The following PRLR variants were observed in gnomAD, a reference collection of about 807,000 sequenced individuals.
The protein encoded by PRLR is hPRL receptor.
PRLR carries 13 observed loss-of-function variants against 40.2 expected under a neutral mutation model. That is an observed-to-expected ratio of 0.32 (90% confidence interval 0.21 to 0.51). PRLR has a LOEUF of 0.51. Among genes scored for constraint, PRLR ranks in the 20% least tolerant of loss-of-function variants. The pLI is 0.97. For missense variants in PRLR, 656 were observed against 747.3 expected (o/e 0.88, Z 1.42); for synonymous variants, 269 against 278.7 (o/e 0.97, Z 0.35).
intron 1 of PRLR, among the ~76,000 whole-genome samples, chr5:35,192,917 T>C (rs1385067813): frequency 6.6e-6 from 1 of 152,172 alleles, no homozygotes; most frequent in Non-Finnish European, 1.5e-5. Context: ...AGGCCAGCTG[T>C]CCCCAAGACT....
chr5:35,092,350 C>T (rs1290783046), intron 2 of PRLR, among the ~76,000 whole-genome samples: 4 of 152,140 alleles, frequency 2.6e-5, no homozygotes, highest in Non-Finnish European at 4.4e-5. Context: ...GCATTTTCTT[C>T]CCAGGAAGGC....
chr5:35,215,294 G>A (rs533939943), intron 1 of PRLR, among the ~76,000 whole-genome samples: 69 of 152,300 alleles, frequency 4.5e-4, no homozygotes, highest in African/African-American at 1.5e-3. Context: ...ATAGAACTGA[G>A]TGGTCAAGGA....
chr5:35,184,007 G>T (rs1441502204), intron 1 of PRLR, among the ~76,000 whole-genome samples: 1 of 152,180 alleles, frequency 6.6e-6, no homozygotes, highest in Non-Finnish European at 1.5e-5. Context: ...GATGTCAAAT[G>T]ACCATCTCTA....
In PRLR at chr5:35,086,339, T is replaced by A. The variant is rs748865835; in HGVS notation, c.72A>T (p.Gly24=). 6.2e-7 allele frequency: 1 copy of A among 1,613,140 alleles called. No homozygotes were observed. The highest frequency in any genetic ancestry group is 8.5e-7 in the Non-Finnish European group (1 of 1,179,676). The change falls in exon 4 of 10, where the codon GGA becomes GGT. Residue 24 remains glycine (G), a splice_region_variant and synonymous_variant. Transcript: ENST00000618457. The stretch of plus-strand genomic sequence containing the variant: ...TCTCAGGTTTTCCAGGAGGTAACTG[T>A]CCTAGAAAAAGCCAGAAGCCACTGC... ...LLFLNTCLLN[G]QLPPGKPEIF... is the part of the protein sequence containing the mutation.
intron 1 of PRLR, among the ~76,000 whole-genome samples, chr5:35,212,404 A>T (rs1776192454): frequency 6.6e-6 from 1 of 152,244 alleles, no homozygotes; most frequent in Non-Finnish European, 1.5e-5. Context: ...TGAAACTCTG[A>T]GTACAAAATG....
chr5:35,082,405 C>T (rs1770579460), intron 5 of PRLR, among the ~76,000 whole-genome samples: 1 of 152,122 alleles, frequency 6.6e-6, no homozygotes, highest in South Asian at 2.1e-4. Context: ...CTTTCCCAAC[C>T]TCAGCACTAC....
chr5:35,133,037 T>C (rs1055330002), intron 1 of PRLR, among the ~76,000 whole-genome samples: 2 of 152,158 alleles, frequency 1.3e-5, no homozygotes, highest in Non-Finnish European at 2.9e-5. Flanking sequence ...GTGAAAATTT[T>C]CCTTCCTTGA....
Position 35,060,816 on chromosome 5 carries a change from G to A in PRLR, c.*4273C>T, listed in dbSNP as rs559605237. 2.6e-5 allele frequency: 4 copies of A among 152,322 alleles called. No homozygotes were observed. Among genetic ancestry groups the A allele is most frequent in the African/African-American group, 9.6e-5 (4 of 41,574 alleles). The allele number at this position is 152,322 out of a possible 1,614,324, so 9.4% of individuals were successfully genotyped here. On this transcript the variant is annotated 3_prime_UTR_variant, in exon 10 of 10. Coordinates refer to ENST00000618457, the MANE Select transcript of PRLR (RefSeq NM_000949.7). ...TTATATTTTTCTGTTTGTGTACAAA[G>A]TTCCAATGTGCATGCATTGTTCTCT...
At chr5:35,154,199 A>G (rs766289810) in intron 1 of PRLR, among the ~76,000 whole-genome samples, 1 of 152,086 alleles carries the variant, frequency 6.6e-6, no homozygotes, top group Non-Finnish European at 1.5e-5. Context: ...AAGCTCAAAG[A>G]CCTCTGAGAA....
At chr5:35,209,939 G>C (rs550464456) in intron 1 of PRLR, among the ~76,000 whole-genome samples, 3 of 152,042 alleles carry the variant, frequency 2.0e-5, no homozygotes, top group African/African-American at 4.8e-5. Context: ...AACTACGCAC[G>C]AGATCATGCC....
At chr5:35,227,802 A>G (rs1288039147) in intron 1 of PRLR, among the ~76,000 whole-genome samples, 4 of 152,200 alleles carry the variant, frequency 2.6e-5, no homozygotes, top group Admixed American at 1.3e-4. Flanking sequence ...CAGTTTCTGA[A>G]GATGGACCCA....
At chr5:35,105,308 G>C (rs890258336) in intron 2 of PRLR, among the ~76,000 whole-genome samples, 1 of 152,210 alleles carries the variant, frequency 6.6e-6, no homozygotes, top group Non-Finnish European at 1.5e-5. Flanking sequence ...AAAAATCAGA[G>C]TGCCTCTTCT....
At chr5:35,095,273 G>A (rs773942476) in intron 2 of PRLR, among the ~76,000 whole-genome samples, 1 of 152,134 alleles carries the variant, frequency 6.6e-6, no homozygotes, top group African/African-American at 2.4e-5. Flanking sequence ...TACAAGCTCT[G>A]CCCAATGTCA....
intron 1 of PRLR, among the ~76,000 whole-genome samples, chr5:35,209,024 C>T (rs1776097876): frequency 6.6e-6 from 1 of 152,060 alleles, no homozygotes; most frequent in East Asian, 1.9e-4. Flanking sequence ...TACTTACATA[C>T]ACATATATTA....
At chr5:35,160,031 G>A (rs190871340) in intron 1 of PRLR, among the ~76,000 whole-genome samples, 2 of 152,324 alleles carry the variant, frequency 1.3e-5, no homozygotes, top group East Asian at 3.9e-4. Flanking sequence ...GTAGAAAGGA[G>A]CCAGAGAGGA....
intron 1 of PRLR, among the ~76,000 whole-genome samples, chr5:35,135,974 CT>C (rs1166096439): frequency 2.6e-5 from 4 of 152,280 alleles, no homozygotes; most frequent in Admixed American, 2.6e-4. Flanking sequence ...GGAATTCGAA[CT>C]GGGAAATATG....
intron 2 of PRLR, among the ~76,000 whole-genome samples, chr5:35,117,499 T>C (rs1186973305): frequency 6.6e-6 from 1 of 152,152 alleles, no homozygotes; most frequent in Non-Finnish European, 1.5e-5. Context: ...GGAGTCGTAA[T>C]ACTTCATGAT....
chr5:35,197,700 G>A (rs1775773826), intron 1 of PRLR, among the ~76,000 whole-genome samples: 1 of 152,190 alleles, frequency 6.6e-6, no homozygotes, highest in Non-Finnish European at 1.5e-5. Flanking sequence ...GGACCCTCAG[G>A]CTGTGGCTGA....
At chr5:35,114,279 T>A (rs1772876667) in intron 2 of PRLR, among the ~76,000 whole-genome samples, 1 of 152,226 alleles carries the variant, frequency 6.6e-6, no homozygotes, top group Admixed American at 6.5e-5. Flanking sequence ...TTGGCATGTC[T>A]TTTCCTCTTT....
Sources: gnomAD v4.1 joint callset for allele counts (sites outside exome capture counted in the v4.1 genomes callset) on GRCh38, gnomAD v4.1.1 for gene constraint, MANE v1.5 for transcripts, NCBI Gene and HGNC (gene_info 2026-07-23, HGNC 2026-07-21) for gene names.